Variants in PSMB3 observed in about 807,000 individuals in gnomAD.
PSMB3 encodes proteasome subunit beta type-3.
In PSMB3, 5 loss-of-function variants were observed where a neutral mutation model predicts 23.3. The ratio of observed to expected loss-of-function variants is 0.21; its 90% confidence interval spans 0.11 to 0.45. The LOEUF (loss-of-function observed/expected upper bound fraction) is 0.45, where lower values mean the gene tolerates loss of function less well. PSMB3 is among the 20% of genes least tolerant of loss of function. PSMB3 has a pLI of 0.99. For synonymous variants in PSMB3, 85 were observed against 99.8 expected, an observed-to-expected ratio of 0.85 and a Z score of 0.88; for missense variants, 192 against 277.9, an observed-to-expected ratio of 0.69 and a Z score of 2.20.
At chr17:38,759,535 T>C (rs966573530) in intron 3 of PSMB3, among the ~76,000 whole-genome samples, 2 of 152,070 alleles carry the variant, frequency 1.3e-5, no homozygotes, top group African/African-American at 2.4e-5. Flanking sequence ...TTTTTCTTTT[T>C]TTTTTTTCTT....
At chr17:38,758,113 G>A (rs544000901) in intron 3 of PSMB3, among the ~76,000 whole-genome samples, 15 of 152,202 alleles carry the variant, frequency 9.9e-5, no homozygotes, top group Middle Eastern at 3.4e-3. Context: ...ACAGAGGTGC[G>A]TAGATGGTAT....
Position 38,761,189 on chromosome 17 carries a change from A to G in PSMB3, c.474+581A>G, listed in dbSNP as rs930860172. On this transcript the variant is annotated intron_variant, in intron 4 of 5. Coordinates refer to ENST00000619426, the MANE Select transcript of PSMB3 (RefSeq NM_002795.4). ...ACATGGAGAAACCCCGTCTCTACTA[A>G]AAAAAAAGTTAAATTAGCCGGGCAT... Among the ~76,000 whole-genome samples, 15 of 151,566 alleles carry G rather than the reference A, an allele frequency of 9.9e-5. No homozygotes were observed. The South Asian group carries it at 1.5e-3, about 15-fold the overall frequency.
chr17:38,760,743 G>GAAC (rs1172016008), intron 4 of PSMB3, 135 bp downstream of exon 4: 1 of 1,060,866 alleles, frequency 9.4e-7, no homozygotes, highest in African/African-American at 1.6e-5. Flanking sequence ...CTGCTCCTTG[G>GAAC]AAGGGTATCC....
intron 2 of PSMB3, among the ~76,000 whole-genome samples, chr17:38,755,070 G>A (rs1705196592): frequency 6.6e-6 from 1 of 151,348 alleles, no homozygotes; most frequent in African/African-American, 2.4e-5. Flanking sequence ...CGCCTCCAAG[G>A]CTCAAGTGAT....
At chr17:38,758,090 T>C (rs1216129550) in intron 3 of PSMB3, among the ~76,000 whole-genome samples, 1 of 152,226 alleles carries the variant, frequency 6.6e-6, no homozygotes, top group Non-Finnish European at 1.5e-5. Flanking sequence ...TAACTTTTAC[T>C]GCAGTGTTTC....
intron 3 of PSMB3, among the ~76,000 whole-genome samples, chr17:38,759,344 C>A (rs930928047): frequency 3.3e-5 from 5 of 152,202 alleles, no homozygotes; most frequent in Non-Finnish European, 7.3e-5. Flanking sequence ...CTCATTGTCA[C>A]TGCCCAGCAT....
rs182976943 is a variant in PSMB3, at chr17:38,761,288, C to T, written c.474+680C>T. Among the ~76,000 whole-genome samples, 265 of 143,064 alleles carry T rather than the reference C, an allele frequency of 1.9e-3. 1 individual carries two copies. The highest frequency in any genetic ancestry group is 6.3e-3 in the African/African-American group (238 of 37,858). The allele number at this position is 143,064 out of a possible 152,430, so 93.9% of individuals were successfully genotyped here. On this transcript the variant is annotated intron_variant, in intron 4 of 5. Coordinates refer to ENST00000619426, the MANE Select transcript of PSMB3 (RefSeq NM_002795.4). Reference sequence around the variant, plus strand: ...GCTTGAGCCTGGGAGGCGGAGGTTGCGGTGAACAAAGATCGTGCCATTGCA... The same window carrying T: ...GCTTGAGCCTGGGAGGCGGAGGTTGTGGTGAACAAAGATCGTGCCATTGCA...
At chr17:38,756,688 G>T (rs1468839285) in intron 3 of PSMB3, among the ~76,000 whole-genome samples, 3 of 151,986 alleles carry the variant, frequency 2.0e-5, no homozygotes, top group Non-Finnish European at 4.4e-5. Flanking sequence ...TAGAGACAGA[G>T]TTTCAACATG....
rs758913397 is a variant in PSMB3, at chr17:38,764,157, G to A, written c.608G>A (p.Arg203Gln). ...ATCACCACCAGGACACTGAAGGCCCGAATGGACTAACCCTGTTCCCAGAGC... is the reference window on the plus strand; with the variant it reads ...ATCACCACCAGGACACTGAAGGCCCAAATGGACTAACCCTGTTCCCAGAGC... ...DKITTRTLKARMD is the reference protein window; with the variant it reads ...DKITTRTLKAQMD The change falls in exon 6 of 6, where the codon CGA becomes CAA. Residue 203 changes from arginine (R) to glutamine (Q), a missense_variant. Transcript: ENST00000619426. 20 of 1,614,122 alleles carry A rather than the reference G, an allele frequency of 1.2e-5. No individual in the cohort carries two copies. The East Asian group carries it at 2.0e-4, about 16-fold the overall frequency.
chr17:38,761,279 C>T (rs1336306829), intron 4 of PSMB3, among the ~76,000 whole-genome samples: 15 of 144,282 alleles, frequency 1.0e-4, no homozygotes, highest in Admixed American at 8.8e-4. Flanking sequence ...GCCTGGGAGG[C>T]GGAGGTTGCG....
intron 3 of PSMB3, among the ~76,000 whole-genome samples, chr17:38,757,490 C>T (rs1432031323): frequency 6.6e-6 from 1 of 150,418 alleles, no homozygotes; most frequent in African/African-American, 2.5e-5. Flanking sequence ...TGTACTCCAG[C>T]CTTGGTGACA....
chr17:38,757,511 T>TA (rs1179158317), intron 3 of PSMB3, among the ~76,000 whole-genome samples: 1 of 151,112 alleles, frequency 6.6e-6, no homozygotes, highest in Non-Finnish European at 1.5e-5. Flanking sequence ...GAGTGAGACT[T>TA]AGTCTCAAAA....
intron 2 of PSMB3, chr17:38,755,274 A>G (rs1908104794): frequency 6.6e-6 from 1 of 152,098 alleles, no homozygotes; most frequent in African/African-American, 2.4e-5. Context: ...CCCAGCCTAA[A>G]CATTTTTAAT....
chr17:38,753,616 C>G (rs1278689413), intron 2 of PSMB3, among the ~76,000 whole-genome samples: 2 of 152,018 alleles, frequency 1.3e-5, no homozygotes, highest in Non-Finnish European at 2.9e-5. Context: ...GTAGCTGGGA[C>G]TACAGGCGCG....
At chr17:38,755,670 A>G (rs1166758807) in intron 2 of PSMB3, among the ~76,000 whole-genome samples, 232 of 85,500 alleles carry the variant, frequency 2.7e-3, no homozygotes, top group African/African-American at 7.0e-3. Context: ...ATATATATAT[A>G]TATATATATA....
chr17:38,762,334 A>T, intron 4 of PSMB3, 77 bp from the exon 5 acceptor site: 3 of 1,240,520 alleles, frequency 2.4e-6, no homozygotes, highest in South Asian at 2.5e-5. Context: ...TCTTGAGCCT[A>T]GAAAAAAGAG....
Position 38,764,144 on chromosome 17 carries a change from A to G in PSMB3, c.595A>G (p.Thr199Ala), listed in dbSNP as rs766089008. The G allele has an allele frequency of 6.2e-7, 1 of 1,614,160 alleles. No individual in the cohort carries two copies. The highest frequency in any genetic ancestry group is 1.7e-5 in the Admixed American group (1 of 60,022). The change falls in exon 6 of 6, where the codon ACA (threonine) becomes GCA (alanine). Residue 199 changes from threonine to alanine, a missense_variant. Thr to Ala is a moderately conservative substitution (Grantham distance 58). Coordinates refer to ENST00000619426, the MANE Select transcript of PSMB3 (RefSeq NM_002795.4). ...CGAGAAGGACAAAATCACCACCAGG[A>G]CACTGAAGGCCCGAATGGACTAACC... ...IIEKDKITTR[T>A]LKARMD
intron 2 of PSMB3, among the ~76,000 whole-genome samples, 168 bp from the exon 3 acceptor site, chr17:38,755,715 T>TGTGCGC (rs142685157): frequency 0.011 from 1,506 of 138,176 alleles, 24 homozygotes; most frequent in South Asian, 0.046. Context: ...TGTGTGTGTG[T>TGTGCGC]GCTGCCAAAG....
At chr17:38,755,682 A>ATG (rs67600372) in intron 2 of PSMB3, among the ~76,000 whole-genome samples, 51 of 90,264 alleles carry the variant, frequency 5.7e-4, no homozygotes, top group Admixed American at 6.7e-4. Context: ...ATATATATAT[A>ATG]TGTGTGTGTG....
Sources: gnomAD v4.1 joint callset for allele counts (sites outside exome capture counted in the v4.1 genomes callset) on GRCh38, gnomAD v4.1.1 for gene constraint, MANE v1.5 for transcripts, NCBI Gene and HGNC (gene_info 2026-07-23, HGNC 2026-07-21) for gene names.